Variants in TCF12 observed in about 807,000 individuals in gnomAD.
The protein encoded by TCF12 is transcription factor 12.
A neutral mutation model predicts 86.0 loss-of-function variants in TCF12; 45 were observed. That is an observed-to-expected ratio of 0.52 (90% CI 0.41 to 0.67). The LOEUF is 0.67. Ranked by LOEUF, TCF12 falls within the 30% of genes least tolerant of loss-of-function variation. The pLI is 0.00. For missense variants in TCF12, 881 were observed against 859.9 expected, an observed-to-expected ratio of 1.02 and a Z score of -0.31; for synonymous variants, 330 against 299.6, an observed-to-expected ratio of 1.10 and a Z score of -1.05.
At chr15:57,255,828 A>C (rs2060322499) in intron 16 of TCF12, among the ~76,000 whole-genome samples, 1 of 152,204 alleles carries the variant, frequency 6.6e-6, no homozygotes, top group Non-Finnish European at 1.5e-5. Flanking sequence ...TAGTCTAGAA[A>C]AAATGGTCTT....
At chr15:56,990,962 T>A (rs1323616831) in intron 3 of TCF12, among the ~76,000 whole-genome samples, 1 of 151,920 alleles carries the variant, frequency 6.6e-6, no homozygotes, top group Non-Finnish European at 1.5e-5. Flanking sequence ...ACTTGGCTAA[T>A]CCTTAAATTT....
intron 8 of TCF12, among the ~76,000 whole-genome samples, chr15:57,202,781 T>C (rs1310946563): frequency 1.3e-5 from 2 of 152,074 alleles, no homozygotes; most frequent in Non-Finnish European, 2.9e-5. Flanking sequence ...TGCTGTTGAG[T>C]TCTCGGAACC....
At chr15:57,177,673 A>G (rs1241435101) in intron 6 of TCF12, among the ~76,000 whole-genome samples, 1 of 143,274 alleles carries the variant, frequency 7.0e-6, no homozygotes, top group Non-Finnish European at 1.5e-5. Context: ...CAGGGAAAAA[A>G]CTTCATTCAT....
At chr15:56,966,150 T>C (rs555932349) in intron 3 of TCF12, among the ~76,000 whole-genome samples, 1 of 152,350 alleles carries the variant, frequency 6.6e-6, no homozygotes, top group Admixed American at 6.5e-5. Context: ...TTTTGTTTCC[T>C]TATTAACTAT....
intron 13 of TCF12, among the ~76,000 whole-genome samples, chr15:57,245,870 A>T (rs1156704792): frequency 1.3e-5 from 2 of 152,186 alleles, no homozygotes; most frequent in African/African-American, 4.8e-5. Context: ...ACAGCAAATC[A>T]AAGACTGATT....
intron 3 of TCF12, among the ~76,000 whole-genome samples, chr15:57,029,479 G>A (rs998064218): frequency 8.5e-5 from 13 of 152,086 alleles, no homozygotes; most frequent in African/African-American, 2.7e-4. Flanking sequence ...GAATTACATC[G>A]ATTATTTGTT....
At chr15:56,957,346 C>CT (rs1483501408) in intron 3 of TCF12, among the ~76,000 whole-genome samples, 1 of 152,166 alleles carries the variant, frequency 6.6e-6, no homozygotes, top group African/African-American at 2.4e-5. Flanking sequence ...TTCAGAAACT[C>CT]TAATTATATA....
At chr15:57,251,092 A>G in intron 13 of TCF12, 1 of 370,264 alleles carries the variant, frequency 2.7e-6, no homozygotes. Flanking sequence ...AAGTCTAAAG[A>G]ATGTGCAAAC....
At chr15:56,946,070 G>C (rs888572091) in intron 3 of TCF12, among the ~76,000 whole-genome samples, 8 of 152,154 alleles carry the variant, frequency 5.3e-5, no homozygotes, top group African/African-American at 1.9e-4. Flanking sequence ...CACGTACTCT[G>C]TTGTAGCAGC....
intron 18 of TCF12, among the ~76,000 whole-genome samples, chr15:57,266,598 T>C (rs1297507329): frequency 1.3e-5 from 2 of 152,210 alleles, no homozygotes; most frequent in Admixed American, 6.5e-5. Flanking sequence ...AAAGGAAATA[T>C]TCTAGGCAGA....
intron 8 of TCF12, chr15:57,219,088 C>G (rs2058457460): frequency 9.5e-7 from 1 of 1,056,732 alleles, no homozygotes; most frequent in Non-Finnish European, 1.1e-6. Flanking sequence ...AGCTAGGTTT[C>G]TCTGCCACAA....
intron 3 of TCF12, among the ~76,000 whole-genome samples, chr15:57,023,624 G>A (rs544695443): frequency 1.1e-4 from 17 of 152,120 alleles, no homozygotes; most frequent in Non-Finnish European, 1.0e-4. Context: ...TATGAAAACC[G>A]AGGGAATGTT....
chr15:56,976,448 A>C (rs1237967462), intron 3 of TCF12, among the ~76,000 whole-genome samples: 2 of 151,726 alleles, frequency 1.3e-5, no homozygotes, highest in African/African-American at 4.8e-5. Context: ...CATGTTAGCC[A>C]GGATGGTCTC....
At chr15:56,969,368 A>G (rs1175867298) in intron 3 of TCF12, among the ~76,000 whole-genome samples, 2 of 152,160 alleles carry the variant, frequency 1.3e-5, no homozygotes, top group African/African-American at 4.8e-5. Context: ...TTGGATATAT[A>G]TCGGAGGTAG....
chr15:57,037,104 G>C (rs538681316), intron 3 of TCF12, among the ~76,000 whole-genome samples: 2 of 152,216 alleles, frequency 1.3e-5, no homozygotes, highest in East Asian at 3.9e-4. Context: ...ATAAAATCTG[G>C]TAAGAAAATT....
chr15:57,077,094 C>T (rs560471183), intron 4 of TCF12, among the ~76,000 whole-genome samples: 143 of 152,204 alleles, frequency 9.4e-4, no homozygotes, highest in African/African-American at 3.4e-3. Flanking sequence ...AAGTCTTCCA[C>T]CTTGTTATTC....
In TCF12 at chr15:57,077,325, A is replaced by ATGTG. The variant is rs777718984; in HGVS notation, c.222+13503_222+13504insGTGT. Among the ~76,000 whole-genome samples, 165 of 127,278 alleles carry ATGTG rather than the reference A, an allele frequency of 1.3e-3. 12 individuals carry two copies. The highest frequency in any genetic ancestry group is 1.9e-3 in the Non-Finnish European group (120 of 62,608). 83.5% of individuals were successfully genotyped at this position (127,278 alleles called of 152,430 possible). On this transcript the variant is annotated intron_variant, in intron 4 of 20. Coordinates refer to ENST00000333725, the MANE Select transcript of TCF12 (RefSeq NM_207037.2). ...ATTTACTTTCCATATATATGTATAT[A>ATGTG]TATGTGTGTGTGTGTGTGTGTGTGT...
At chr15:57,015,719 G>A (rs544107607) in intron 3 of TCF12, among the ~76,000 whole-genome samples, 14 of 152,290 alleles carry the variant, frequency 9.2e-5, no homozygotes, top group African/African-American at 3.4e-4. Context: ...TAGAGACTCA[G>A]TTATTTGAAC....
intron 3 of TCF12, among the ~76,000 whole-genome samples, chr15:57,007,824 C>CTTTCTTTCTTTCTTTCTT (rs2064523160): frequency 7.9e-6 from 1 of 126,120 alleles, no homozygotes; most frequent in African/African-American, 3.1e-5. Flanking sequence ...CTTTCTTTTT[C>CTTTCTTTCTTTCTTTCTT]TTTCTTTCTT....
Sources: allele counts gnomAD v4.1 joint callset (sites outside exome capture counted in the v4.1 genomes callset), GRCh38; gene constraint gnomAD v4.1.1; transcripts MANE v1.5; gene names NCBI Gene and HGNC (gene_info 2026-07-23, HGNC 2026-07-21).